Variants in MAPK14 observed in about 807,000 individuals in gnomAD.
MAPK14 encodes the protein mitogen-activated protein kinase 14, also known as CSAID-binding protein.
In MAPK14, 16 loss-of-function variants were observed where a neutral mutation model predicts 49.6. That is an observed-to-expected ratio of 0.32 (90% CI 0.22 to 0.49). MAPK14 has a LOEUF of 0.49. Ranked by LOEUF, MAPK14 falls within the 20% of genes least tolerant of loss-of-function variation. The pLI is 0.99. For missense variants in MAPK14, 200 were observed against 441.2 expected (o/e 0.45, Z 4.90); for synonymous variants, 142 against 158.0 (o/e 0.90, Z 0.76).
chr6:36,084,041 C>T (rs1764875100), intron 8 of MAPK14, among the ~76,000 whole-genome samples: 1 of 152,186 alleles, frequency 6.6e-6, no homozygotes, highest in Admixed American at 6.5e-5. Context: ...GTGACACCTC[C>T]AGGTACAGGA....
chr6:36,119,886 A>T, the MAPK14 span, among the ~76,000 whole-genome samples: 1 of 152,232 alleles, frequency 6.6e-6, no homozygotes, highest in East Asian at 1.9e-4. Context: ...AGGAGGCTGC[A>T]AAACGATCTA....
In MAPK14 at chr6:36,028,317, C is replaced by T. The variant is rs377720861; in HGVS notation, c.116+44C>T. On this transcript the variant is annotated intron_variant, in intron 1 of 11. Coordinates refer to ENST00000229794, the MANE Select transcript of MAPK14 (RefSeq NM_139012.3). This position sits in a 1 kb window ranked among gnomAD's most constrained non-coding sequence, Gnocchi z 5.1. ...GGGGCCGCTGTGGGCAGGGTGGCCC[C>T]TCGCGCCCGAGGGCCAGGCCTGCTC... 3 of 1,445,300 alleles carry T rather than the reference C, an allele frequency of 2.1e-6. No individual in the cohort carries two copies. The highest frequency in any genetic ancestry group is 2.8e-5 in the African/African-American group (2 of 71,600). The allele number at this position is 1,445,300 out of a possible 1,614,324, so 89.5% of individuals were successfully genotyped here.
intron 8 of MAPK14, among the ~76,000 whole-genome samples, chr6:36,082,557 G>T (rs1171502044): frequency 6.6e-6 from 1 of 152,216 alleles, no homozygotes; most frequent in Non-Finnish European, 1.5e-5. Flanking sequence ...TTTCACTTAT[G>T]GTGGTAGGGG....
chr6:36,121,155 T>TG, the MAPK14 span, among the ~76,000 whole-genome samples: 1 of 151,954 alleles, frequency 6.6e-6, no homozygotes, highest in Non-Finnish European at 1.5e-5. Context: ...AAGGCACGCT[T>TG]GCGGATCGCT....
intron 3 of MAPK14, among the ~76,000 whole-genome samples, chr6:36,065,206 C>A (rs1187727575): frequency 6.6e-6 from 1 of 152,166 alleles, no homozygotes; most frequent in Non-Finnish European, 1.5e-5. Flanking sequence ...CTGTCTTCTC[C>A]CTTTCTTTGT....
intron 9 of MAPK14, chr6:36,097,889 TTGAGTA>T (rs1765498893): frequency 6.6e-6 from 1 of 150,976 alleles, no homozygotes; most frequent in South Asian, 2.1e-4. Context: ...TAATATTATA[TTGAGTA>T]TAAGAATAAG....
intron 11 of MAPK14, among the ~76,000 whole-genome samples, chr6:36,108,138 G>A (rs1052834135): frequency 3.3e-5 from 5 of 152,150 alleles, no homozygotes; most frequent in Admixed American, 3.3e-4. Flanking sequence ...CCTCCGTAGA[G>A]AGCTTAAAAG....
chr6:36,055,748 A>G (rs1763567566), intron 2 of MAPK14, among the ~76,000 whole-genome samples: 2 of 151,850 alleles, frequency 1.3e-5, no homozygotes, highest in Non-Finnish European at 2.9e-5. Flanking sequence ...CCTGGGCAAC[A>G]TGGCAAAAAC....
chr6:36,040,149 A>T (rs1762909298), intron 1 of MAPK14, among the ~76,000 whole-genome samples: 1 of 152,162 alleles, frequency 6.6e-6, no homozygotes, highest in African/African-American at 2.4e-5. Flanking sequence ...AACCCAGGGT[A>T]ATTCAACCTA....
chr6:36,057,912 C>T (rs896809168), intron 2 of MAPK14, among the ~76,000 whole-genome samples: 2 of 152,074 alleles, frequency 1.3e-5, no homozygotes, highest in Non-Finnish European at 2.9e-5. Flanking sequence ...TATGGCTGGG[C>T]GTATTACAAA....
the MAPK14 span, among the ~76,000 whole-genome samples, chr6:36,120,942 A>G: frequency 2.6e-5 from 4 of 152,178 alleles, no homozygotes; most frequent in East Asian, 1.9e-4. Flanking sequence ...AGAACTTACA[A>G]TTTAGGTTTG....
intron 1 of MAPK14, among the ~76,000 whole-genome samples, chr6:36,030,642 G>A (rs1168880658): frequency 7.0e-6 from 1 of 143,072 alleles, no homozygotes; most frequent in Non-Finnish European, 1.5e-5. Flanking sequence ...AGCTGAGATC[G>A]CTCCACTGCA....
chr6:36,076,218 C>G (rs1014192495), intron 7 of MAPK14, among the ~76,000 whole-genome samples: 2 of 151,398 alleles, frequency 1.3e-5, no homozygotes, highest in Non-Finnish European at 2.9e-5. Flanking sequence ...AGTACTTATA[C>G]CTAAAGACAA....
chr6:36,062,711 G>T (rs1763873984), intron 3 of MAPK14, among the ~76,000 whole-genome samples: 1 of 141,312 alleles, frequency 7.1e-6, no homozygotes, highest in Admixed American at 7.6e-5. Flanking sequence ...AGGCTGGAGT[G>T]CAGTGGCACG....
At chr6:36,069,555 A>G (rs1476002841) in intron 3 of MAPK14, among the ~76,000 whole-genome samples, 2 of 152,200 alleles carry the variant, frequency 1.3e-5, no homozygotes, top group Non-Finnish European at 2.9e-5. Flanking sequence ...AGTTATTACT[A>G]TATAGACTGA....
chr6:36,113,417 A>G (rs1766010171), downstream of MAPK14, among the ~76,000 whole-genome samples: 1 of 151,170 alleles, frequency 6.6e-6, no homozygotes, highest in Non-Finnish European at 1.5e-5. Context: ...CATTCTTTGT[A>G]CAGCAAAATA....
rs67009009 is a variant in MAPK14, at chr6:36,033,320, C to CTT, written c.116+5060_116+5061dup. On this transcript the variant is annotated intron_variant, in intron 1 of 11. Coordinates refer to ENST00000229794, the MANE Select transcript of MAPK14 (RefSeq NM_139012.3). ...TTTATTATCAAATCCCATTTTTCCA[C>CTT]TTTTTTTTTTTTTTGAGACGGAGTC... is the stretch of plus-strand genomic sequence containing the variant. Among the ~76,000 whole-genome samples the CTT allele has an allele frequency of 1.4e-3, 201 of 146,070 alleles. No homozygotes were observed. The South Asian group carries it at 0.014, about 10-fold the overall frequency.
At chr6:36,112,160 C>G (rs1369818504), downstream of MAPK14, among the ~76,000 whole-genome samples, 1 of 151,684 alleles carries the variant, frequency 6.6e-6, no homozygotes, top group Non-Finnish European at 1.5e-5. Flanking sequence ...GAGCCAAGAT[C>G]ATGCCACTGC....
At chr6:36,069,097 TTTAATTTACTTTAC>T (rs764063777) in intron 3 of MAPK14, among the ~76,000 whole-genome samples, 30 of 152,332 alleles carry the variant, frequency 2.0e-4, no homozygotes, top group Middle Eastern at 3.4e-3. Flanking sequence ...CTTAATTTAC[TTTAATTTACTTTAC>T]TTAATTTACT....
Sources: gnomAD v4.1 joint callset for allele counts (sites outside exome capture counted in the v4.1 genomes callset) on GRCh38, gnomAD v4.1.1 for gene constraint, Gnocchi (gnomAD v3.1) non-coding constraint, MANE v1.5 for transcripts, NCBI Gene and HGNC (gene_info 2026-07-23, HGNC 2026-07-21) for gene names.